GIPC1: variants seen among roughly 807,000 people sequenced by gnomAD.
The protein encoded by GIPC1 is PDZ domain-containing protein GIPC1.
A neutral mutation model predicts 28.5 loss-of-function variants in GIPC1; 15 were observed. The ratio of observed to expected loss-of-function variants is 0.53; its 90% confidence interval spans 0.35 to 0.81. The LOEUF (loss-of-function observed/expected upper bound fraction) is 0.81, where lower values mean the gene tolerates loss of function less well. Among genes scored for constraint, GIPC1 ranks in the 30% least tolerant of loss-of-function variants. The probability of loss-of-function intolerance (pLI) is 0.01; values close to 1 mark genes in which losing one functional copy is unlikely to be tolerated. For synonymous variants in GIPC1, 224 were observed against 206.1 expected (o/e 1.09, Z -0.74); for missense variants, 439 against 481.9 (o/e 0.91, Z 0.83).
chr19:14,479,430 G>T lies in GIPC1; in HGVS notation c.750C>A (p.Pro250=), dbSNP rs545362141. Residue 250 remains proline (P), a synonymous_variant, in exon 7 of 9, where the codon CCC becomes CCA. Coordinates refer to ENST00000393033, the MANE Select transcript of GIPC1 (RefSeq NM_005716.4). ...CACTCACCAGATCCTCCACCGTGGCGGGGCCCCGGGATCGGAGCCGCAGGG... is the reference window on the plus strand; with the variant it reads ...CACTCACCAGATCCTCCACCGTGGCTGGGCCCCGGGATCGGAGCCGCAGGG... ...RGTLRLRSRG[P]ATVEDLPSAF... 7.1e-7 allele frequency: 1 copy of T among 1,412,056 alleles called. No homozygotes were observed. Among genetic ancestry groups the T allele is most frequent in the Non-Finnish European group, 9.3e-7 (1 of 1,078,982 alleles). 87.5% of individuals were successfully genotyped at this position (1,412,056 alleles called of 1,614,324 possible).
chr19:14,485,054 A>G (rs542329329), intron 3 of GIPC1, among the ~76,000 whole-genome samples: 6 of 151,664 alleles, frequency 4.0e-5, no homozygotes, highest in Admixed American at 2.0e-4. Flanking sequence ...CAGCTACTCG[A>G]GAGGTTGAGA....
intron 6 of GIPC1, chr19:14,479,762 G>A: frequency 2.3e-6 from 1 of 427,658 alleles, no homozygotes; most frequent in Non-Finnish European, 4.1e-6. Context: ...TGCTGGAGGG[G>A]AGACTGGAGG....
intron 3 of GIPC1, chr19:14,489,697 T>C (rs977098485): frequency 6.7e-6 from 5 of 749,992 alleles, no homozygotes; most frequent in Non-Finnish European, 1.2e-5. Context: ...TTAGGTCATG[T>C]ACATTTTCAT....
At chr19:14,492,603 G>A (rs2071996906) in intron 2 of GIPC1, among the ~76,000 whole-genome samples, 3 of 152,124 alleles carry the variant, frequency 2.0e-5, no homozygotes, top group Admixed American at 2.0e-4. Context: ...ACTGCACCCG[G>A]CCTTGCTACT....
chr19:14,478,034 A>C lies in GIPC1; in HGVS notation c.*382T>G. 1 of 201,742 alleles carries C rather than the reference A, an allele frequency of 5.0e-6. No homozygotes were observed. The highest frequency in any genetic ancestry group is 1.0e-5 in the Non-Finnish European group (1 of 98,416). The allele number at this position is 201,742 out of a possible 1,614,324, so 12.5% of individuals were successfully genotyped here. A position where few individuals can be genotyped will look rare whatever the true frequency, so the allele number is the denominator to read the frequency against. On this transcript the variant is annotated 3_prime_UTR_variant, in exon 9 of 9. Transcript: ENST00000393033. The surrounding 1 kb of genome is among the most constrained non-coding windows in gnomAD (Gnocchi z 5.2). ...CTCCCCTGTATTCCCTGCGTCAGGA[A>C]ACTAGGAAGGTCATGACCCCCAAAC...
At position 14,482,721 on chromosome 19, in the gene GIPC1, T is replaced by A; in HGVS notation, c.256A>T (p.Ile86Phe). 6.2e-7 allele frequency: 1 copy of A among 1,611,554 alleles called. No individual in the cohort carries two copies. The highest frequency in any genetic ancestry group is 8.5e-7 in the Non-Finnish European group (1 of 1,179,918). The change falls in exon 4 of 9, where the codon ATC (isoleucine) becomes TTC (phenylalanine). Residue 86 changes from isoleucine to phenylalanine, a missense_variant. Physicochemically the swap from Ile to Phe is conservative, Grantham distance 21. Transcript: ENST00000393033. ...FTNVKELYGK[I>F]AEAFRLPTAE... ...GTTGGCAGGCGGAAGGCCTCGGCGA[T>A]CTTGCCATACAGCTCCTTGACGTTG...
In GIPC1 at chr19:14,478,954, G is replaced by A. The variant is rs961991933; in HGVS notation, c.769-189C>T. Among the ~76,000 whole-genome samples the A allele has an allele frequency of 2.6e-5, 4 of 152,186 alleles. No homozygotes were observed. The highest frequency in any genetic ancestry group is 2.6e-4 in the Admixed American group (4 of 15,276). ...GCAAACTGCGGCCCATGTGCCCAAG[G>A]AAGGTCCCTGGGAGCTGGGAAGTGG... On this transcript the variant is annotated intron_variant, in intron 7 of 8. Coordinates refer to ENST00000393033, the MANE Select transcript of GIPC1 (RefSeq NM_005716.4). The surrounding 1 kb of genome is among the most constrained non-coding windows in gnomAD (Gnocchi z 5.2).
chr19:14,495,784 G>A (rs2072063093), intron 1 of GIPC1, among the ~76,000 whole-genome samples: 1 of 152,046 alleles, frequency 6.6e-6, no homozygotes, highest in African/African-American at 2.4e-5. Context: ...ACGGGGGGAG[G>A]GGCAAGCCCA....
chr19:14,495,545 A>G (rs1312398535), intron 1 of GIPC1, among the ~76,000 whole-genome samples: 1 of 152,136 alleles, frequency 6.6e-6, no homozygotes, highest in African/African-American at 2.4e-5. Context: ...TGAGGTGTTT[A>G]GAGTCAATTA....
chr19:14,480,317 G>C lies in GIPC1; in HGVS notation c.643C>G (p.Arg215Gly), dbSNP rs113312686. 1.9e-6 allele frequency: 3 copies of C among 1,610,984 alleles called. No individual in the cohort carries two copies. Among genetic ancestry groups the C allele is most frequent in the East Asian group, 2.2e-5 (1 of 44,882 alleles). Residue 215 changes from arginine to glycine, a missense_variant, in exon 6 of 9, where the codon CGC becomes GGC. Physicochemically the swap from Arg to Gly is moderately radical, Grantham distance 125. Transcript: ENST00000393033. ...GGCGGCTCCTCACCGAAGGCCTTGC[G>C]AGGCTCCGTGAGCTTCAGCGTGAAG... ...RTFTLKLTEP[R>G]KAFDMISQRS... is the part of the protein sequence containing the mutation.
chr19:14,487,301 T>G (rs963210050), intron 3 of GIPC1, among the ~76,000 whole-genome samples: 1 of 150,950 alleles, frequency 6.6e-6, no homozygotes, highest in African/African-American at 2.4e-5. Flanking sequence ...GGTGCAATCT[T>G]GGCTCACTGC....
At chr19:14,495,131 G>C (rs904592929) in intron 1 of GIPC1, among the ~76,000 whole-genome samples, 3 of 152,192 alleles carry the variant, frequency 2.0e-5, no homozygotes, top group Admixed American at 2.0e-4. Flanking sequence ...GGTTGCCAGG[G>C]GGGAACCCAG....
At chr19:14,486,945 ATT>A (rs1477058086) in intron 3 of GIPC1, among the ~76,000 whole-genome samples, 1 of 149,488 alleles carries the variant, frequency 6.7e-6, no homozygotes, top group Non-Finnish European at 1.5e-5. Flanking sequence ...CCGCTTCTTT[ATT>A]TCTCTCTTTC....
chr19:14,489,135 T>C (rs1316288233), intron 3 of GIPC1, among the ~76,000 whole-genome samples: 1 of 151,982 alleles, frequency 6.6e-6, no homozygotes, highest in Admixed American at 6.6e-5. Flanking sequence ...GTTGCCCAGA[T>C]TGGTCCTGAA....
intron 3 of GIPC1, among the ~76,000 whole-genome samples, chr19:14,490,711 C>A (rs571513212): frequency 1.6e-4 from 24 of 152,100 alleles, no homozygotes; most frequent in African/African-American, 5.8e-4. Context: ...TGGTGGCTCA[C>A]GCCTGTAATC....
chr19:14,483,763 T>TAAC (rs2071781489), intron 3 of GIPC1, among the ~76,000 whole-genome samples: 2 of 29,182 alleles, frequency 6.9e-5, no homozygotes, highest in Admixed American at 7.1e-4. Flanking sequence ...ATAATAATAA[T>TAAC]AATAATAATA....
intron 3 of GIPC1, among the ~76,000 whole-genome samples, chr19:14,490,567 C>G (rs1171076697): frequency 6.6e-6 from 1 of 151,724 alleles, no homozygotes; most frequent in Non-Finnish European, 1.5e-5. Context: ...ATCCCAGCTA[C>G]TAGGGAGGCT....
chr19:14,478,270 G>A lies in GIPC1; in HGVS notation c.*146C>T. The A allele has an allele frequency of 1.2e-6, 1 of 806,026 alleles. No homozygotes were observed. The highest frequency in any genetic ancestry group is 2.7e-5 in the East Asian group (1 of 37,060). The allele number at this position is 806,026 out of a possible 1,614,324, so 49.9% of individuals were successfully genotyped here. ...GATGGTACCGATTGGAGCGGGGCAG[G>A]GGGCCTGGCCCCACCTCCCCTCACC... On this transcript the variant is annotated 3_prime_UTR_variant, in exon 9 of 9. Coordinates refer to ENST00000393033, the MANE Select transcript of GIPC1 (RefSeq NM_005716.4). The surrounding 1 kb of genome is among the most constrained non-coding windows in gnomAD (Gnocchi z 5.2).
chr19:14,487,182 G>C (rs1448331070), intron 3 of GIPC1, among the ~76,000 whole-genome samples: 1 of 151,632 alleles, frequency 6.6e-6, no homozygotes, highest in Non-Finnish European at 1.5e-5. Flanking sequence ...TTCTTGGTGT[G>C]GTGTCTGCCA....
Sources: gnomAD v4.1 joint callset for allele counts (sites outside exome capture counted in the v4.1 genomes callset) on GRCh38, gnomAD v4.1.1 for gene constraint, Gnocchi (gnomAD v3.1) non-coding constraint, MANE v1.5 for transcripts, NCBI Gene and HGNC (gene_info 2026-07-23, HGNC 2026-07-21) for gene names.